The following TBC1D22A variants were observed in gnomAD, a reference collection of about 807,000 sequenced individuals.
TBC1D22A encodes putative GTPase activator.
A neutral mutation model predicts 60.2 loss-of-function variants in TBC1D22A; 38 were observed. The observed-to-expected ratio is 0.63, with a 90% CI of 0.49 to 0.83. The LOEUF is 0.83. Among genes scored for constraint, TBC1D22A ranks in the 40% least tolerant of loss-of-function variants. The pLI, the probability that TBC1D22A is intolerant of heterozygous loss-of-function variation, is 0.00. For missense variants in TBC1D22A, 628 were observed against 701.0 expected (o/e 0.90, Z 1.18); for synonymous variants, 302 against 281.7 (o/e 1.07, Z -0.72).
At chr22:47,063,836 C>T (rs1179552384) in intron 11 of TBC1D22A, among the ~76,000 whole-genome samples, 3 of 152,226 alleles carry the variant, frequency 2.0e-5, no homozygotes, top group African/African-American at 4.8e-5. Flanking sequence ...GGCAGCCTCA[C>T]TCCAGTCTTT....
Position 47,128,047 on chromosome 22 carries a change from C to T in TBC1D22A, c.1425+16444C>T, listed in dbSNP as rs1464608705. 2.0e-3 allele frequency among the ~76,000 whole-genome samples: 80 copies of T among 39,628 alleles called. 2 individuals carry two copies. The highest frequency in any genetic ancestry group is 8.0e-3 in the African/African-American group (74 of 9,240). 26.0% of individuals were successfully genotyped at this position (39,628 alleles called of 152,430 possible). ...CCTCCACCCCACCCATCCTCTCCTC[C>T]GCCCAACCCATCCCCCCTCCCCTCA... On this transcript the variant is annotated intron_variant, in intron 12 of 12. Coordinates refer to ENST00000337137, the MANE Select transcript of TBC1D22A (RefSeq NM_014346.5).
At chr22:46,891,866 A>G (rs565945722) in intron 6 of TBC1D22A, among the ~76,000 whole-genome samples, 1 of 152,326 alleles carries the variant, frequency 6.6e-6, no homozygotes, top group South Asian at 2.1e-4. Flanking sequence ...AGGTGTGTTC[A>G]TCAGTTTGGT....
At chr22:46,776,330 G>A (rs963483146) in intron 1 of TBC1D22A, among the ~76,000 whole-genome samples, 1 of 152,134 alleles carries the variant, frequency 6.6e-6, no homozygotes, top group Non-Finnish European at 1.5e-5. Flanking sequence ...GTGCGTGGAA[G>A]TAGTGGGCAC....
At chr22:47,039,900 G>A (rs994246266) in intron 11 of TBC1D22A, among the ~76,000 whole-genome samples, 1 of 149,522 alleles carries the variant, frequency 6.7e-6, no homozygotes, top group Admixed American at 6.7e-5. Flanking sequence ...TTCCATGGCT[G>A]GAGCAGGAGC....
intron 4 of TBC1D22A, among the ~76,000 whole-genome samples, chr22:46,848,506 C>A (rs2087122856): frequency 6.6e-6 from 1 of 152,166 alleles, no homozygotes; most frequent in South Asian, 2.1e-4. Context: ...GTTCTCTAAG[C>A]CGAGGGAGAG....
Position 46,846,758 on chromosome 22 carries a change from C to T in TBC1D22A, c.638-31895C>T, listed in dbSNP as rs142907117. On this transcript the variant is annotated intron_variant, in intron 4 of 12. Coordinates refer to ENST00000337137, the MANE Select transcript of TBC1D22A (RefSeq NM_014346.5). The stretch of plus-strand genomic sequence containing the variant: ...ATGCCACCAGCCTCTCATCTTCACC[C>T]GGATTCGGCGGGTATCAAGATATGC... Among the ~76,000 whole-genome samples the T allele has an allele frequency of 1.8e-3, 274 of 151,746 alleles. 1 individual carries two copies. The highest frequency in any genetic ancestry group is 6.2e-3 in the African/African-American group (257 of 41,196).
At chr22:47,059,370 C>T (rs540131417) in intron 11 of TBC1D22A, among the ~76,000 whole-genome samples, 44 of 152,298 alleles carry the variant, frequency 2.9e-4, no homozygotes, top group African/African-American at 9.4e-4. Flanking sequence ...TGGCAGCGTC[C>T]CCCCGGCCTC....
intron 4 of TBC1D22A, among the ~76,000 whole-genome samples, chr22:46,840,732 A>C (rs7292955): frequency 0.48 from 70,884 of 148,332 alleles, 17,205 homozygotes; most frequent in African/African-American, 0.61. Context: ...GACTCTGTCT[A>C]CAAAAAAAAA....
chr22:46,974,178 G>T, intron 8 of TBC1D22A, 112 bp from the exon 9 acceptor site: 1 of 788,154 alleles, frequency 1.3e-6, no homozygotes. Context: ...TGATGAGAGT[G>T]GGTGGAGGGA....
chr22:46,834,859 G>A (rs1248726119), intron 4 of TBC1D22A, among the ~76,000 whole-genome samples: 2 of 152,194 alleles, frequency 1.3e-5, no homozygotes, highest in African/African-American at 2.4e-5. Context: ...TAGACAGCAC[G>A]TGAGCCTCTG....
At chr22:46,906,812 T>TGTGTGTGTGC (rs1381501186) in intron 7 of TBC1D22A, among the ~76,000 whole-genome samples, 4 of 148,974 alleles carry the variant, frequency 2.7e-5, no homozygotes, top group African/African-American at 1.0e-4. Context: ...TGTGTGTGTG[T>TGTGTGTGTGC]GCTCTAGGTG....
chr22:47,043,734 G>A (rs1043642279), intron 11 of TBC1D22A, among the ~76,000 whole-genome samples: 1 of 152,150 alleles, frequency 6.6e-6, no homozygotes. Context: ...AGGTGTCCAG[G>A]AAATGAGTGA....
chr22:46,953,337 G>A (rs1374770407), intron 8 of TBC1D22A, among the ~76,000 whole-genome samples: 2 of 152,086 alleles, frequency 1.3e-5, no homozygotes, highest in South Asian at 2.1e-4. Flanking sequence ...TGTGTGTGTG[G>A]CCATTTCTCC....
chr22:47,157,212 G>T (rs5767546), intron 12 of TBC1D22A, among the ~76,000 whole-genome samples: 3,598 of 152,082 alleles, frequency 0.024, 138 homozygotes, highest in African/African-American at 0.083. Context: ...CAGAGTCACC[G>T]TGGCACACGT....
chr22:46,902,538 C>T (rs142075320), intron 7 of TBC1D22A, among the ~76,000 whole-genome samples: 5 of 152,338 alleles, frequency 3.3e-5, no homozygotes, highest in African/African-American at 9.6e-5. Flanking sequence ...CCTTTATTGC[C>T]CTTTGCTAGA....
At chr22:47,019,247 A>T (rs976881264) in intron 10 of TBC1D22A, among the ~76,000 whole-genome samples, 2 of 151,648 alleles carry the variant, frequency 1.3e-5, no homozygotes, top group Admixed American at 1.3e-4. Context: ...CGTGCCTCCT[A>T]CTCCCTCCCA....
chr22:47,058,170 C>T (rs567122518), intron 11 of TBC1D22A, among the ~76,000 whole-genome samples: 1 of 152,340 alleles, frequency 6.6e-6, no homozygotes, highest in African/African-American at 2.4e-5. Context: ...CGTGCGGACT[C>T]CTGTGTCTGG....
chr22:47,055,248 G>A (rs1167975635), intron 11 of TBC1D22A, among the ~76,000 whole-genome samples: 1 of 152,204 alleles, frequency 6.6e-6, no homozygotes, highest in African/African-American at 2.4e-5. Flanking sequence ...CTTTATCCCT[G>A]TGTGAGATAT....
intron 8 of TBC1D22A, among the ~76,000 whole-genome samples, chr22:46,932,885 T>C (rs1210611890): frequency 6.6e-6 from 1 of 152,048 alleles, no homozygotes; most frequent in Non-Finnish European, 1.5e-5. Flanking sequence ...CCACCACGCC[T>C]GGCTAATTTT....
Sources: allele counts gnomAD v4.1 joint callset (sites outside exome capture counted in the v4.1 genomes callset), GRCh38; gene constraint gnomAD v4.1.1; transcripts MANE v1.5; gene names NCBI Gene and HGNC (gene_info 2026-07-23, HGNC 2026-07-21).